C2orf80: variants seen among roughly 807,000 people sequenced by gnomAD.
C2orf80 encodes the protein chromosome 2 open reading frame 80.
A neutral mutation model predicts 30.2 loss-of-function variants in C2orf80; 28 were observed. The observed-to-expected ratio is 0.93, with a 90% CI of 0.69 to 1.27. C2orf80 has a LOEUF of 1.27. Among genes scored for constraint, C2orf80 ranks in the 50% most tolerant of loss-of-function variants. The probability of loss-of-function intolerance (pLI) is 0.00; values close to 1 mark genes in which losing one functional copy is unlikely to be tolerated. For synonymous variants in C2orf80, 80 were observed against 76.4 expected (o/e 1.05, Z -0.24); for missense variants, 220 against 231.0 (o/e 0.95, Z 0.31).
At chr2:208,169,408 C>A (rs1439833451) in intron 8 of C2orf80, among the ~76,000 whole-genome samples, 2 of 151,940 alleles carry the variant, frequency 1.3e-5, no homozygotes, top group East Asian at 1.9e-4. Context: ...TCAAAAAATT[C>A]TTCAGAAACA....
chr2:208,168,706 A>C (rs942317103), intron 8 of C2orf80, among the ~76,000 whole-genome samples: 9 of 149,126 alleles, frequency 6.0e-5, no homozygotes, highest in African/African-American at 2.0e-4. Context: ...TAAAGTGCAC[A>C]AATAATAAAG....
At chr2:208,184,639 T>C (rs1375646101) in intron 3 of C2orf80, among the ~76,000 whole-genome samples, 1 of 152,234 alleles carries the variant, frequency 6.6e-6, no homozygotes, top group Admixed American at 6.5e-5. Flanking sequence ...GAGAACTACA[T>C]GATAGCTAAT....
intron 8 of C2orf80, among the ~76,000 whole-genome samples, chr2:208,167,030 A>G (rs1220348613): frequency 6.6e-6 from 1 of 152,108 alleles, no homozygotes; most frequent in Non-Finnish European, 1.5e-5. Flanking sequence ...TACTATTATG[A>G]CTTTTTAAAG....
In C2orf80 at chr2:208,186,856, T is replaced by C. The variant is rs373479966; in HGVS notation, c.41+90A>G. ...CATGCAGAAATAGATTCTTAGATTT[T>C]TACCCACTGCCAATACCCAAGCCAT... On this transcript the variant is annotated intron_variant, in intron 2 of 8. Transcript: ENST00000341287. The C allele has an allele frequency of 1.9e-3, 2,184 of 1,125,934 alleles. 28 individuals are homozygous for C. The highest frequency in any genetic ancestry group is 0.015 in the South Asian group (1,168 of 79,264). 69.7% of individuals were successfully genotyped at this position (1,125,934 alleles called of 1,614,324 possible). A position where few individuals can be genotyped will look rare whatever the true frequency, so the allele number is the denominator to read the frequency against.
intron 1 of C2orf80, 88 bp downstream of exon 1, chr2:208,189,865 G>A: frequency 2.9e-6 from 2 of 695,144 alleles, no homozygotes; most frequent in Non-Finnish European, 5.2e-6. Context: ...CAGGTTCCCT[G>A]CTGCACACCT....
At chr2:208,176,458 G>A (rs1696297617) in intron 6 of C2orf80, among the ~76,000 whole-genome samples, 2 of 152,220 alleles carry the variant, frequency 1.3e-5, no homozygotes, top group Non-Finnish European at 2.9e-5. Context: ...TTACTGGCGT[G>A]AGCCACGGCA....
Position 208,170,854 on chromosome 2 carries a change from CT to C in C2orf80, c.573+90del, listed in dbSNP as rs1696075386. 26 of 1,000,770 alleles carry C rather than the reference CT, an allele frequency of 2.6e-5. No individual in the cohort carries two copies. The East Asian group carries it at 6.2e-4, about 24-fold the overall frequency. 62.0% of individuals were successfully genotyped at this position (1,000,770 alleles called of 1,614,324 possible). ...CTAGATTCAAACCCAGAGCACCTGA[CT>C]CCAAAGGCTAGACTTTTAACCACGG... On this transcript the variant is annotated intron_variant, in intron 8 of 8. Coordinates refer to ENST00000341287, the MANE Select transcript of C2orf80 (RefSeq NM_001099334.3).
chr2:208,185,598 A>T (rs1168935893), intron 2 of C2orf80, among the ~76,000 whole-genome samples: 1 of 152,182 alleles, frequency 6.6e-6, no homozygotes, highest in Non-Finnish European at 1.5e-5. Flanking sequence ...AATAAGCACC[A>T]TGAGGAGAGA....
chr2:208,180,357 A>G (rs1696514235), intron 6 of C2orf80, among the ~76,000 whole-genome samples: 1 of 151,900 alleles, frequency 6.6e-6, no homozygotes, highest in Non-Finnish European at 1.5e-5. Flanking sequence ...AGGCTGACGC[A>G]CGAGAATTCC....
At chr2:208,172,138 G>T in intron 6 of C2orf80, 63 bp from the exon 7 acceptor site, 1 of 1,268,438 alleles carries the variant, frequency 7.9e-7, no homozygotes, top group Non-Finnish European at 1.2e-6. Flanking sequence ...ACACCTGCTA[G>T]TCACAGCATT....
chr2:208,182,559 C>T (rs1295500099), intron 4 of C2orf80, among the ~76,000 whole-genome samples: 1 of 152,248 alleles, frequency 6.6e-6, no homozygotes, highest in East Asian at 1.9e-4. Flanking sequence ...CGCCACCACG[C>T]TAGGCGAATT....
intron 1 of C2orf80, 176 bp downstream of exon 1, chr2:208,189,777 A>G: frequency 1.6e-6 from 1 of 617,058 alleles, no homozygotes; most frequent in Non-Finnish European, 2.9e-6. Context: ...GCTGTTTCAT[A>G]GAAACAATTC....
rs544740802 is a variant in C2orf80, at chr2:208,168,076, T to C, written c.574-2261A>G. On this transcript the variant is annotated intron_variant, in intron 8 of 8. Transcript: ENST00000341287. Reference sequence around the variant, plus strand: ...TCAAATATTTAAAATGAAAATCTTCTTCAAATACCAAGCTGTGAAAGCATG... The same window carrying C: ...TCAAATATTTAAAATGAAAATCTTCCTCAAATACCAAGCTGTGAAAGCATG... Among the ~76,000 whole-genome samples, 8 of 152,264 alleles carry C rather than the reference T, an allele frequency of 5.3e-5. No individual in the cohort carries two copies. In the South Asian group the frequency reaches 1.7e-3, roughly 32 times the overall value.
At chr2:208,187,533 T>A (rs1696753270) in intron 1 of C2orf80, among the ~76,000 whole-genome samples, 1 of 152,072 alleles carries the variant, frequency 6.6e-6, no homozygotes, top group South Asian at 2.1e-4. Context: ...AAAATATGGT[T>A]ATGGGAAATA....
chr2:208,185,359 TTAAAA>T (rs1379322377), intron 2 of C2orf80, among the ~76,000 whole-genome samples: 2 of 152,232 alleles, frequency 1.3e-5, no homozygotes, highest in Non-Finnish European at 2.9e-5. Flanking sequence ...GACACACTGT[TTAAAA>T]TAATCATTTG....
Position 208,171,992 on chromosome 2 carries a change from T to C in C2orf80, c.450A>G (p.Lys150=). Residue 150 remains lysine (K), a synonymous_variant, in exon 7 of 9, where the codon AAA becomes AAG. Coordinates refer to ENST00000341287, the MANE Select transcript of C2orf80 (RefSeq NM_001099334.3). The part of the protein sequence containing the change: ...TAPKAAAYAR[K]QSVKSRKVTT... ...GGTGAAAGTAACCAGGCTTACTCTG[T>C]TTGCGGGCGTATGCTGCTGCTTTGG... 6.2e-7 allele frequency: 1 copy of C among 1,613,336 alleles called. No individual in the cohort carries two copies. The highest frequency in any genetic ancestry group is 1.1e-5 in the South Asian group (1 of 91,066).
Position 208,173,365 on chromosome 2 carries a change from G to A in C2orf80, c.367-1290C>T, listed in dbSNP as rs187205953. On this transcript the variant is annotated intron_variant, in intron 6 of 8. Coordinates refer to ENST00000341287, the MANE Select transcript of C2orf80 (RefSeq NM_001099334.3). ...CAAGGCTGGGTGTGGAGGCTCAAGCGTGTAATCTCAGCACTTTGGGAGGCC... is the reference window on the plus strand; with the variant it reads ...CAAGGCTGGGTGTGGAGGCTCAAGCATGTAATCTCAGCACTTTGGGAGGCC... Among the ~76,000 whole-genome samples, 52 of 152,108 alleles carry A rather than the reference G, an allele frequency of 3.4e-4. No individual in the cohort carries two copies. In the East Asian group the frequency reaches 5.4e-3, roughly 16 times the overall value.
At chr2:208,186,852 A>G (rs954576772) in intron 2 of C2orf80, 94 bp downstream of exon 2, 1 of 1,107,366 alleles carries the variant, frequency 9.0e-7, no homozygotes, top group South Asian at 1.3e-5. Flanking sequence ...AGATTCTTAG[A>G]TTTTTACCCA....
At position 208,185,046 on chromosome 2, in the gene C2orf80, G is replaced by C. The variant is rs1437748749; in HGVS notation, c.42-14C>G. On this transcript the variant is annotated splice_polypyrimidine_tract_variant and intron_variant, in intron 2 of 8. Transcript: ENST00000341287. ...ATATAATCTCCCCTTAAAAGCAAGAGAGCAGCATTGAACCATTGGAGTGAC... is the reference window on the plus strand; with the variant it reads ...ATATAATCTCCCCTTAAAAGCAAGACAGCAGCATTGAACCATTGGAGTGAC... 3 of 1,606,214 alleles carry C rather than the reference G, an allele frequency of 1.9e-6. No individual in the cohort carries two copies. The highest frequency in any genetic ancestry group is 1.7e-6 in the Non-Finnish European group (2 of 1,173,236).
Sources: gnomAD v4.1 joint callset for allele counts (sites outside exome capture counted in the v4.1 genomes callset) on GRCh38, gnomAD v4.1.1 for gene constraint, MANE v1.5 for transcripts, NCBI Gene and HGNC (gene_info 2026-07-23, HGNC 2026-07-21) for gene names.